CCDC88C: variants seen among roughly 807,000 people sequenced by gnomAD.
The protein encoded by CCDC88C is coiled-coil and HOOK domain protein 88C, also known as protein Daple.
In CCDC88C, 131 loss-of-function variants were observed where a neutral mutation model predicts 198.8. That is an observed-to-expected ratio of 0.66 (90% CI 0.57 to 0.76). The LOEUF is 0.76. CCDC88C is among the 30% of genes least tolerant of loss of function. The pLI is 0.00. For synonymous variants in CCDC88C, 1,166 were observed against 1,114.7 expected (o/e 1.05, Z -0.92); for missense variants, 2,553 against 2,631.6 (o/e 0.97, Z 0.65).
rs3029466 is a variant in CCDC88C at position 91,384,273 on chromosome 14, C to CT, written c.270+24385dup. On this transcript the variant is annotated intron_variant, in intron 3 of 29. Coordinates refer to ENST00000389857, the MANE Select transcript of CCDC88C (RefSeq NM_001080414.4). ...TCAACATAGCGAGACCCCCATCTCTCTTTTTTTTTTTTTTTTGTATTTGAA... is the reference window on the plus strand; with the variant it reads ...TCAACATAGCGAGACCCCCATCTCTCTTTTTTTTTTTTTTTTTGTATTTGAA... 5.2e-3 allele frequency: 1,546 copies of CT among 296,612 alleles called. 6 individuals are homozygous for CT. Among genetic ancestry groups the CT allele is most frequent in the South Asian group, 0.015 (544 of 36,232 alleles). The allele number at this position is 296,612 out of a possible 1,614,324, so 18.4% of individuals were successfully genotyped here.
chr14:91,376,223 C>G (rs1483311258), intron 3 of CCDC88C, among the ~76,000 whole-genome samples: 1 of 152,158 alleles, frequency 6.6e-6, no homozygotes, highest in Non-Finnish European at 1.5e-5. Flanking sequence ...CTGAAACACC[C>G]AGGTGCTCGT....
chr14:91,412,580 G>A (rs180685427), intron 2 of CCDC88C, among the ~76,000 whole-genome samples: 23 of 152,042 alleles, frequency 1.5e-4, no homozygotes, highest in East Asian at 9.7e-4. Context: ...GACTACAGGC[G>A]CCCGCCACCA....
chr14:91,280,068 C>T (rs1300444595), intron 27 of CCDC88C: 1 of 152,314 alleles, frequency 6.6e-6, no homozygotes, highest in African/African-American at 2.4e-5. Context: ...CAGGCCATCC[C>T]TTCCAGGGCC....
At chr14:91,301,184 C>T (rs1025828959) in intron 20 of CCDC88C, among the ~76,000 whole-genome samples, 9 of 152,210 alleles carry the variant, frequency 5.9e-5, no homozygotes, top group Non-Finnish European at 1.2e-4. Flanking sequence ...AGTGGGTGAG[C>T]GTCTCCGATT....
At chr14:91,375,493 G>T (rs909552251) in intron 3 of CCDC88C, among the ~76,000 whole-genome samples, 1 of 152,136 alleles carries the variant, frequency 6.6e-6, no homozygotes, top group Non-Finnish European at 1.5e-5. Context: ...GTGGGGAAGA[G>T]GGGGGTGGGC....
At chr14:91,408,996 C>T (rs1886661368) in intron 2 of CCDC88C, among the ~76,000 whole-genome samples, 1 of 152,128 alleles carries the variant, frequency 6.6e-6, no homozygotes, top group South Asian at 2.1e-4. Context: ...CACCGCAGGC[C>T]CTCAGTCAGT....
At chr14:91,355,029 G>T (rs1893980747) in intron 4 of CCDC88C, among the ~76,000 whole-genome samples, 1 of 152,230 alleles carries the variant, frequency 6.6e-6, no homozygotes, top group South Asian at 2.1e-4. Flanking sequence ...GGACCGGCAG[G>T]TGCACAGGCC....
intron 12 of CCDC88C, among the ~76,000 whole-genome samples, chr14:91,324,261 A>G (rs1473752319): frequency 6.6e-6 from 1 of 152,238 alleles, no homozygotes; most frequent in Non-Finnish European, 1.5e-5. Context: ...AGGGAAAGGG[A>G]GAGGCCTGGC....
chr14:91,387,858 T>C lies in CCDC88C; in HGVS notation c.270+20801A>G, dbSNP rs1474434197. On this transcript the variant is annotated intron_variant, in intron 3 of 29. Transcript: ENST00000389857. ...CTTGTTGGCTAAACGAGGAGCAGCT[T>C]GGGCAGGATCAGCAGTGCCCAACCC... Among the ~76,000 whole-genome samples, 3 of 152,196 alleles carry C rather than the reference T, an allele frequency of 2.0e-5. No individual in the cohort carries two copies. The East Asian group carries it at 5.8e-4, about 29-fold the overall frequency.
At chr14:91,353,131 T>C (rs929170380) in intron 4 of CCDC88C, among the ~76,000 whole-genome samples, 17 of 152,232 alleles carry the variant, frequency 1.1e-4, no homozygotes, top group African/African-American at 3.9e-4. Context: ...AGGAGGTCTG[T>C]TTCCTCTGGC....
chr14:91,303,373 A>G (rs1891402180), intron 20 of CCDC88C, among the ~76,000 whole-genome samples: 1 of 139,654 alleles, frequency 7.2e-6, no homozygotes, highest in East Asian at 2.1e-4. Flanking sequence ...CCTCTCGTCC[A>G]GGCTCCACCC....
chr14:91,305,370 A>G (rs1223363761), intron 19 of CCDC88C, among the ~76,000 whole-genome samples: 1 of 152,204 alleles, frequency 6.6e-6, no homozygotes, highest in Non-Finnish European at 1.5e-5. Context: ...AATTCACATT[A>G]GCTTAAAAAG....
chr14:91,283,114 T>A (rs1363294138), intron 26 of CCDC88C, among the ~76,000 whole-genome samples: 1 of 152,148 alleles, frequency 6.6e-6, no homozygotes, highest in African/African-American at 2.4e-5. Flanking sequence ...TGAGGCCCCA[T>A]TGCAGTTGGG....
At chr14:91,361,429 C>T (rs577981088) in intron 3 of CCDC88C, among the ~76,000 whole-genome samples, 43 of 152,286 alleles carry the variant, frequency 2.8e-4, no homozygotes, top group African/African-American at 8.7e-4. Flanking sequence ...GAACGGGGGC[C>T]GAGGCCGCAT....
Position 91,339,791 on chromosome 14 carries a change from G to C in CCDC88C, c.624+93C>G. On this transcript the variant is annotated intron_variant, in intron 7 of 29. Transcript: ENST00000389857. The surrounding 1 kb of genome is among the most constrained non-coding windows in gnomAD (Gnocchi z 5.8). The stretch of plus-strand genomic sequence containing the variant: ...ACCCCCACCAGAACCTCAGCAGCAG[G>C]ACCGAGGCGTCTAGGCTGAAGATGA... The C allele has an allele frequency of 7.2e-7, 1 of 1,383,990 alleles. No individual in the cohort carries two copies. Among genetic ancestry groups the C allele is most frequent in the Non-Finnish European group, 9.6e-7 (1 of 1,044,066 alleles). 85.7% of individuals were successfully genotyped at this position (1,383,990 alleles called of 1,614,324 possible).
chr14:91,399,921 T>C (rs936968242), intron 3 of CCDC88C, among the ~76,000 whole-genome samples: 1 of 147,868 alleles, frequency 6.8e-6, no homozygotes, highest in South Asian at 2.2e-4. Context: ...CTCACCCCCA[T>C]ACCCGCAAGA....
chr14:91,292,411 C>T (rs971528326), intron 23 of CCDC88C, among the ~76,000 whole-genome samples: 1 of 152,182 alleles, frequency 6.6e-6, no homozygotes, highest in African/African-American at 2.4e-5. Flanking sequence ...CAGTTAGCAC[C>T]TGCCCAACCT....
intron 3 of CCDC88C, chr14:91,384,546 C>T (rs1885011774): frequency 8.1e-6 from 4 of 496,494 alleles, no homozygotes; most frequent in Non-Finnish European, 1.6e-5. Context: ...AATCATCACC[C>T]CATCTCTTAA....
intron 3 of CCDC88C, among the ~76,000 whole-genome samples, chr14:91,370,202 T>A (rs1185770248): frequency 6.6e-6 from 1 of 152,132 alleles, no homozygotes; most frequent in Non-Finnish European, 1.5e-5. Flanking sequence ...CACACCCTCA[T>A]CTGTACCAGG....
Sources: gnomAD v4.1 joint callset for allele counts (sites outside exome capture counted in the v4.1 genomes callset) on GRCh38, gnomAD v4.1.1 for gene constraint, Gnocchi (gnomAD v3.1) non-coding constraint, MANE v1.5 for transcripts, NCBI Gene and HGNC (gene_info 2026-07-23, HGNC 2026-07-21) for gene names.